BMERB1: variants seen among roughly 807,000 people sequenced by gnomAD.
The protein encoded by BMERB1 is bMERB domain containing 1, also known as bMERB domain-containing protein 1.
BMERB1 carries 12 observed loss-of-function variants against 23.6 expected under a neutral mutation model. The ratio of observed to expected loss-of-function variants is 0.51; its 90% CI spans 0.33 to 0.82. The LOEUF is 0.82. Among genes scored for constraint, BMERB1 ranks in the 40% least tolerant of loss-of-function variants. The pLI, the probability that BMERB1 is intolerant of heterozygous loss-of-function variation, is 0.03. For synonymous variants in BMERB1, 122 were observed against 96.6 expected, an observed-to-expected ratio of 1.26 and a Z score of -1.54; for missense variants, 247 against 255.4, an observed-to-expected ratio of 0.97 and a Z score of 0.22.
Position 15,515,536 on chromosome 16 carries a change from A to G in BMERB1, c.230+108A>G, listed in dbSNP as rs961047295. 4.3e-6 allele frequency: 6 copies of G among 1,406,744 alleles called. No homozygotes were observed. The African/African-American group carries it at 8.7e-5, about 21-fold the overall frequency. 87.1% of individuals were successfully genotyped at this position (1,406,744 alleles called of 1,614,324 possible). ...TGCCAGGCACTGAGATAAAGGCATT[A>G]TGCACGTTTTTAAAAGCCTCATTTG... On this transcript the variant is annotated intron_variant, in intron 2 of 5. Coordinates refer to ENST00000300006, the MANE Select transcript of BMERB1 (RefSeq NM_033201.3).
At chr16:15,455,323 C>CAAAAA (rs34467613) in intron 1 of BMERB1, among the ~76,000 whole-genome samples, 2 of 122,754 alleles carry the variant, frequency 1.6e-5, no homozygotes, top group Non-Finnish European at 3.5e-5. Flanking sequence ...GACTCTGTCT[C>CAAAAA]AAAAAAAAAA....
intron 2 of BMERB1, among the ~76,000 whole-genome samples, chr16:15,561,119 C>T (rs912491907): frequency 8.6e-5 from 13 of 150,856 alleles, no homozygotes; most frequent in East Asian, 5.9e-4. Context: ...CAACCATGCC[C>T]GGCTAATTTT....
At chr16:15,541,248 G>A (rs2052076044) in intron 2 of BMERB1, among the ~76,000 whole-genome samples, 1 of 151,920 alleles carries the variant, frequency 6.6e-6, no homozygotes, top group Non-Finnish European at 1.5e-5. Flanking sequence ...AGAGGGAGCC[G>A]TGCAGAGCTT....
At chr16:15,521,825 A>G (rs531376825) in intron 2 of BMERB1, among the ~76,000 whole-genome samples, 2 of 152,114 alleles carry the variant, frequency 1.3e-5, no homozygotes, top group South Asian at 2.1e-4. Context: ...GTGTTTTCTC[A>G]CTTCTTGACC....
At chr16:15,544,281 GA>G (rs1419727837) in intron 2 of BMERB1, among the ~76,000 whole-genome samples, 1 of 152,102 alleles carries the variant, frequency 6.6e-6, no homozygotes, top group Non-Finnish European at 1.5e-5. Flanking sequence ...TAAATTTTTT[GA>G]CAAGTGTTCA....
intron 1 of BMERB1, among the ~76,000 whole-genome samples, chr16:15,460,450 AATCAC>A (rs1480582904): frequency 6.6e-6 from 1 of 152,100 alleles, no homozygotes; most frequent in East Asian, 1.9e-4. Flanking sequence ...GGATGAGCAA[AATCAC>A]CCTCTTTTTC....
At chr16:15,560,121 C>G (rs557099618) in intron 2 of BMERB1, among the ~76,000 whole-genome samples, 10 of 152,266 alleles carry the variant, frequency 6.6e-5, no homozygotes, top group South Asian at 2.1e-4. Flanking sequence ...ATGAGGAAAA[C>G]AGAGCCATCT....
At chr16:15,435,764 C>G (rs992526052) in intron 1 of BMERB1, among the ~76,000 whole-genome samples, 1 of 152,284 alleles carries the variant, frequency 6.6e-6, no homozygotes, top group East Asian at 1.9e-4. Flanking sequence ...TGTGTGTGCG[C>G]GCTTTCTTTC....
chr16:15,577,901 C>T (rs2030910292), intron 3 of BMERB1, among the ~76,000 whole-genome samples: 1 of 152,206 alleles, frequency 6.6e-6, no homozygotes, highest in Non-Finnish European at 1.5e-5. Flanking sequence ...AGCCCAGTTG[C>T]CCAACTCCTG....
At chr16:15,445,882 G>C (rs1489080092) in intron 1 of BMERB1, among the ~76,000 whole-genome samples, 1 of 152,046 alleles carries the variant, frequency 6.6e-6, no homozygotes. Context: ...CCCAAATATG[G>C]TATAATCATA....
intron 1 of BMERB1, among the ~76,000 whole-genome samples, chr16:15,496,767 T>C (rs2051477457): frequency 6.6e-6 from 1 of 152,144 alleles, no homozygotes; most frequent in African/African-American, 2.4e-5. Context: ...CTTGATCTCC[T>C]GACCTCGTGA....
At chr16:15,494,800 G>A (rs899500834) in intron 1 of BMERB1, among the ~76,000 whole-genome samples, 6 of 151,680 alleles carry the variant, frequency 4.0e-5, no homozygotes. Context: ...ATTCCAGAAA[G>A]GACTTAATGA....
chr16:15,508,691 T>TG, intron 1 of BMERB1, among the ~76,000 whole-genome samples: 1 of 151,858 alleles, frequency 6.6e-6, no homozygotes. Context: ...CTGGGTGTGG[T>TG]GGAGTGAACC....
rs559782942 is a variant in BMERB1 at position 15,456,657 on chromosome 16, T to A, written c.106+21898T>A. Among the ~76,000 whole-genome samples, 295 of 152,240 alleles carry A rather than the reference T, an allele frequency of 1.9e-3. 3 individuals are homozygous for A. Among genetic ancestry groups the A allele is most frequent in the African/African-American group, 6.8e-3 (283 of 41,562 alleles). On this transcript the variant is annotated intron_variant, in intron 1 of 5. Coordinates refer to ENST00000300006, the MANE Select transcript of BMERB1 (RefSeq NM_033201.3). ...AGTATCTTGTGTTTAATTTGGCCTATGTCTTCCTTTTCTGATCACTGCATA... is the reference window on the plus strand; with the variant it reads ...AGTATCTTGTGTTTAATTTGGCCTAAGTCTTCCTTTTCTGATCACTGCATA...
Position 15,581,228 on chromosome 16 carries a change from A to T in BMERB1, c.316A>T (p.Thr106Ser), listed in dbSNP as rs192461391. The change falls in exon 4 of 6, where the codon ACC (threonine) becomes TCC (serine). Residue 106 changes from threonine to serine, a missense_variant. Transcript: ENST00000300006. ...NLVAIPEKEK[T>S]KLQKQREDEL... ...TGTCTTCTTTCCAGAAAAAGAAAAA[A>T]CCAAACTGCAGAAGCAGAGAGAGGA... The T allele has an allele frequency of 4.3e-5, 69 of 1,611,782 alleles. No individual in the cohort carries two copies. In the African/African-American group the frequency reaches 6.8e-4, roughly 16 times the overall value.
At chr16:15,508,158 C>G (rs2051615189) in intron 1 of BMERB1, among the ~76,000 whole-genome samples, 1 of 152,162 alleles carries the variant, frequency 6.6e-6, no homozygotes, top group African/African-American at 2.4e-5. Flanking sequence ...CACTGACCAC[C>G]CAGGGCTGTT....
chr16:15,538,816 C>A (rs375352818), intron 2 of BMERB1, among the ~76,000 whole-genome samples: 14 of 152,264 alleles, frequency 9.2e-5, no homozygotes, highest in African/African-American at 3.4e-4. Flanking sequence ...CCACTTGCTG[C>A]CCGACACAGT....
intron 1 of BMERB1, among the ~76,000 whole-genome samples, chr16:15,486,628 T>A (rs2051371201): frequency 6.6e-6 from 1 of 152,126 alleles, no homozygotes; most frequent in African/African-American, 2.4e-5. Flanking sequence ...ATCGTGTTAG[T>A]GGTCCAGAAA....
At chr16:15,504,063 C>T (rs2051558019) in intron 1 of BMERB1, among the ~76,000 whole-genome samples, 2 of 152,186 alleles carry the variant, frequency 1.3e-5, no homozygotes, top group South Asian at 4.1e-4. Context: ...CATGAATCAC[C>T]TGTGAGATGG....
Sources: gnomAD v4.1 joint callset for allele counts (sites outside exome capture counted in the v4.1 genomes callset) on GRCh38, gnomAD v4.1.1 for gene constraint, MANE v1.5 for transcripts, NCBI Gene and HGNC (gene_info 2026-07-23, HGNC 2026-07-21) for gene names.